PXYLP1: variants seen among roughly 807,000 people sequenced by gnomAD.
PXYLP1 encodes 2-phosphoxylose phosphatase 1.
PXYLP1 carries 17 observed loss-of-function variants against 37.9 expected under a neutral mutation model. The observed-to-expected ratio is 0.45, with a 90% CI of 0.31 to 0.67. The LOEUF (loss-of-function observed/expected upper bound fraction) is 0.67. Among genes scored for constraint, PXYLP1 ranks in the 30% least tolerant of loss-of-function variants. The probability of loss-of-function intolerance (pLI) is 0.07; values close to 1 mark genes in which losing one functional copy is unlikely to be tolerated. For missense variants in PXYLP1, 511 were observed against 612.0 expected (o/e 0.84, Z 1.74); for synonymous variants, 221 against 232.2 (o/e 0.95, Z 0.44).
chr3:141,262,500 T>C, intron 2 of PXYLP1: 1 of 736,844 alleles, frequency 1.4e-6, no homozygotes, highest in Admixed American at 3.9e-5. Flanking sequence ...GGCATTTCTC[T>C]TGCATGAGCT....
intron 1 of PXYLP1, chr3:141,235,252 C>G (rs768970817): frequency 2.6e-5 from 4 of 152,266 alleles, no homozygotes; most frequent in South Asian, 2.1e-4. Context: ...TGAAAGCCAG[C>G]TGAGACTTGG....
chr3:141,264,406 C>T (rs1181135691), intron 2 of PXYLP1, among the ~76,000 whole-genome samples: 1 of 152,172 alleles, frequency 6.6e-6, no homozygotes, highest in Non-Finnish European at 1.5e-5. Context: ...AAGTATTGGA[C>T]AGGTCATTGA....
intron 1 of PXYLP1, chr3:141,236,193 G>A (rs1434334025): frequency 6.6e-6 from 1 of 152,128 alleles, no homozygotes; most frequent in Non-Finnish European, 1.5e-5. Flanking sequence ...CAAACATGTG[G>A]TAGTAGAGAC....
intron 5 of PXYLP1, among the ~76,000 whole-genome samples, chr3:141,288,032 C>T (rs996987553): frequency 6.6e-6 from 1 of 152,204 alleles, no homozygotes; most frequent in Admixed American, 6.5e-5. Flanking sequence ...ATTTCTACTG[C>T]ATGTGGAGTT....
At chr3:141,277,072 G>A (rs1941812925) in intron 2 of PXYLP1, among the ~76,000 whole-genome samples, 1 of 152,000 alleles carries the variant, frequency 6.6e-6, no homozygotes, top group Non-Finnish European at 1.5e-5. Flanking sequence ...ATGGACTTTG[G>A]ATATTAATCA....
chr3:141,260,831 C>T (rs1941378421), intron 2 of PXYLP1, among the ~76,000 whole-genome samples: 1 of 152,254 alleles, frequency 6.6e-6, no homozygotes, highest in South Asian at 2.1e-4. Flanking sequence ...CTACAGCTCA[C>T]CTAAGAGTGG....
chr3:141,280,693 C>A (rs1941932273), intron 4 of PXYLP1, among the ~76,000 whole-genome samples: 1 of 152,180 alleles, frequency 6.6e-6, no homozygotes, highest in Admixed American at 6.5e-5. Context: ...GCTGACTCCC[C>A]CAGGACTGTG....
chr3:141,266,431 G>A (rs1470413155), intron 2 of PXYLP1, among the ~76,000 whole-genome samples: 2 of 152,090 alleles, frequency 1.3e-5, no homozygotes, highest in African/African-American at 4.8e-5. Context: ...CTGAATTTGT[G>A]CCCTGCGGTG....
chr3:141,290,715 C>G (rs879668794), intron 5 of PXYLP1, among the ~76,000 whole-genome samples: 19 of 152,112 alleles, frequency 1.2e-4, no homozygotes, highest in Non-Finnish European at 2.6e-4. Flanking sequence ...AAAATTAGGA[C>G]CAGATGGGGT....
In PXYLP1 at chr3:141,292,439, A is replaced by T. The variant is rs774580464; in HGVS notation, c.677A>T (p.Asp226Val). Residue 226 changes from aspartate to valine, a missense_variant, in exon 6 of 6, where the codon GAC (aspartate) becomes GTC (valine). Coordinates refer to ENST00000286353, the MANE Select transcript of PXYLP1 (RefSeq NM_001037172.3). This position sits in a 1 kb window ranked among gnomAD's most constrained non-coding sequence, Gnocchi z 4.3. The stretch of plus-strand genomic sequence containing the variant: ...CTTTATGGCTTTCTCCCAGATTTTG[A>T]CTGGAAGAAGATTTATTTCAGGCAC... ...ALLYGFLPDFDWKKIYFRHQP... is the reference protein window; with the variant it reads ...ALLYGFLPDFVWKKIYFRHQP... 4 of 1,614,034 alleles carry T rather than the reference A, an allele frequency of 2.5e-6. No individual in the cohort carries two copies. Among genetic ancestry groups the T allele is most frequent in the African/African-American group, 1.3e-5 (1 of 74,922 alleles).
intron 1 of PXYLP1, among the ~76,000 whole-genome samples, chr3:141,257,334 T>C (rs1395769266): frequency 6.6e-6 from 1 of 152,106 alleles, no homozygotes; most frequent in Non-Finnish European, 1.5e-5. Context: ...GTTGGAAAAG[T>C]AGTAAAGGAA....
intron 2 of PXYLP1, among the ~76,000 whole-genome samples, chr3:141,260,803 G>C (rs1394871344): frequency 1.3e-5 from 2 of 152,212 alleles, no homozygotes; most frequent in Non-Finnish European, 2.9e-5. Flanking sequence ...CTCAGGCCAG[G>C]CCCCAAATCT....
chr3:141,268,669 TC>T (rs1941591189), intron 2 of PXYLP1, among the ~76,000 whole-genome samples: 2 of 152,184 alleles, frequency 1.3e-5, no homozygotes, highest in South Asian at 4.1e-4. Flanking sequence ...AGAATCTGAA[TC>T]CTGTACACGA....
chr3:141,255,907 A>T (rs1941252737), intron 1 of PXYLP1, among the ~76,000 whole-genome samples: 1 of 152,198 alleles, frequency 6.6e-6, no homozygotes. Flanking sequence ...GCTGAGGCAG[A>T]TGTTCCAGGC....
chr3:141,277,712 G>A (rs1353387974), intron 2 of PXYLP1, among the ~76,000 whole-genome samples: 2 of 152,184 alleles, frequency 1.3e-5, no homozygotes, highest in Non-Finnish European at 2.9e-5. Flanking sequence ...ATGGAATGAG[G>A]GTAGTAGATG....
chr3:141,279,168 C>T (rs1268223882), intron 3 of PXYLP1, among the ~76,000 whole-genome samples: 1 of 152,240 alleles, frequency 6.6e-6, no homozygotes, highest in Non-Finnish European at 1.5e-5. Flanking sequence ...TCATGTTCCT[C>T]TGTCCCGCCT....
At chr3:141,267,608 T>G (rs1941549263) in intron 2 of PXYLP1, 1 of 112,316 alleles carries the variant, frequency 8.9e-6, no homozygotes, top group South Asian at 3.4e-4. Context: ...GAGTTAAATA[T>G]CTGCAGGTGA....
chr3:141,264,344 G>A (rs1391658783), intron 2 of PXYLP1, among the ~76,000 whole-genome samples: 3 of 152,174 alleles, frequency 2.0e-5, no homozygotes, highest in Non-Finnish European at 4.4e-5. Context: ...TGGATGGTGT[G>A]TTCTCCGTCA....
chr3:141,256,907 C>A (rs1253068638), intron 1 of PXYLP1, among the ~76,000 whole-genome samples: 1 of 152,172 alleles, frequency 6.6e-6, no homozygotes, highest in African/African-American at 2.4e-5. Flanking sequence ...TGGATGTTCC[C>A]ACTGTTCAGC....
Sources: allele counts gnomAD v4.1 joint callset (sites outside exome capture counted in the v4.1 genomes callset), GRCh38; gene constraint gnomAD v4.1.1; non-coding constraint Gnocchi (gnomAD v3.1); transcripts MANE v1.5; gene names NCBI Gene and HGNC (gene_info 2026-07-23, HGNC 2026-07-21).